Variants in BAG6 observed in about 807,000 individuals in gnomAD.
BAG6 encodes large proline-rich protein BAG6.
In BAG6, 22 loss-of-function variants were observed where a neutral mutation model predicts 121.0. The observed-to-expected ratio is 0.18, with a 90% CI of 0.13 to 0.26. BAG6 has a LOEUF of 0.26. Among genes scored for constraint, BAG6 ranks in the 10% least tolerant of loss-of-function variants. The probability of loss-of-function intolerance (pLI) is 1.00; values close to 1 mark genes in which losing one functional copy is unlikely to be tolerated. For synonymous variants in BAG6, 583 were observed against 584.6 expected (o/e 1.00, Z 0.04); for missense variants, 1,233 against 1,537.7 (o/e 0.80, Z 3.31).
At chr6:31,643,254 GAAA>G in intron 14 of BAG6, 139 bp from the exon 15 acceptor site, 1 of 612,784 alleles carries the variant, frequency 1.6e-6, no homozygotes, top group Non-Finnish European at 2.5e-6. Flanking sequence ...ATCTCTACCA[GAAA>G]AAAAAAAAGA....
At position 31,642,809 on chromosome 6, in the gene BAG6, A is replaced by C; in HGVS notation, c.2043+20T>G. 6.2e-7 allele frequency: 1 copy of C among 1,607,296 alleles called. No homozygotes were observed. Among genetic ancestry groups the C allele is most frequent in the Non-Finnish European group, 8.5e-7 (1 of 1,177,164 alleles). ...GCCGGGGGACAGGAAGATGAGGTGA[A>C]TGGCAAGCCAGCCACTCACCTGCAA... On this transcript the variant is annotated intron_variant, in intron 15 of 25. Transcript: ENST00000676615.
chr6:31,651,485 G>T (rs10947221), intron 2 of BAG6, among the ~76,000 whole-genome samples, 171 bp downstream of exon 2: 2 of 152,166 alleles, frequency 1.3e-5, no homozygotes, highest in Non-Finnish European at 2.9e-5. Context: ...GTTTCAGTGA[G>T]TCGAGATCGC....
intron 1 of BAG6, chr6:31,652,052 G>A (rs1797454178): frequency 2.9e-6 from 1 of 349,490 alleles, no homozygotes; most frequent in East Asian, 4.3e-5. Flanking sequence ...TAGGAAGGAA[G>A]CACGAGACCA....
Position 31,642,183 on chromosome 6 carries a change from C to T in BAG6, c.2264G>A (p.Ser755Asn), listed in dbSNP as rs1245813577. The T allele has an allele frequency of 6.2e-7, 1 of 1,612,868 alleles. No homozygotes were observed. Among genetic ancestry groups the T allele is most frequent in the Non-Finnish European group, 8.5e-7 (1 of 1,180,022 alleles). ...SLGARAGSSE[S>N]IAAFIQRLSG... is the part of the protein sequence containing the mutation. Reference sequence around the variant, plus strand: ...GAGGCGTTGTATGAAGGCAGCAATACTTTCACTGCTGCCAGCCCGAGCCCC... The same window carrying T: ...GAGGCGTTGTATGAAGGCAGCAATATTTTCACTGCTGCCAGCCCGAGCCCC... The change falls in exon 16 of 26, where the codon AGT becomes AAT. Residue 755 changes from serine (S) to asparagine (N), a missense_variant. Physicochemically the swap from Ser to Asn is conservative, Grantham distance 46. Coordinates refer to ENST00000676615, the MANE Select transcript of BAG6 (RefSeq NM_001387994.1).
chr6:31,647,459 C>T (rs1265987590), intron 7 of BAG6, 132 bp downstream of exon 7: 1 of 1,351,462 alleles, frequency 7.4e-7, no homozygotes, highest in South Asian at 1.3e-5. Context: ...AGAGCCCCTC[C>T]TCGCCCCTCA....
Position 31,642,361 on chromosome 6 carries a change from G to C in BAG6, c.2086C>G (p.Pro696Ala). The change falls in exon 16 of 26, where the codon CCA (proline) becomes GCA (alanine). Residue 696 changes from proline (P) to alanine (A), a missense_variant. This residue lies in a region of BAG6 where 777 missense variants were observed against 861.4 expected (regional missense o/e 0.90). Transcript: ENST00000676615. ...APPPPPPPPPPPPAPEQQTMP... is the reference protein window; with the variant it reads ...APPPPPPPPPAPPAPEQQTMP... ...GTCTGCTGCTCTGGGGCAGGTGGTG[G>C]GGGTGGAGGAGGTGGGGGTGGTGGA... 1 of 1,477,722 alleles carries C rather than the reference G, an allele frequency of 6.8e-7. No homozygotes were observed. The highest frequency in any genetic ancestry group is 9.2e-7 in the Non-Finnish European group (1 of 1,092,346). The allele number at this position is 1,477,722 out of a possible 1,614,324, so 91.5% of individuals were successfully genotyped here. A position where few individuals can be genotyped will look rare whatever the true frequency, so the allele number is the denominator to read the frequency against.
chr6:31,647,706 G>A lies in BAG6; in HGVS notation c.673C>T (p.Arg225Trp), dbSNP rs370523727. The A allele has an allele frequency of 2.8e-5, 45 of 1,603,066 alleles. No homozygotes were observed. The highest frequency in any genetic ancestry group is 3.4e-5 in the Non-Finnish European group (40 of 1,176,282). ...ACTTCTTCTGCCTCCATGGGCTCCC[G>A]GGGAGGTGCTTCACTTTCAACTGGT... Reference protein sequence around the residue: ...SEPVESEAPPREPMEAEEVEE... With the variant: ...SEPVESEAPPWEPMEAEEVEE... Residue 225 changes from arginine (R) to tryptophan (W), a missense_variant, in exon 7 of 26, where the codon CGG becomes TGG. Transcript: ENST00000676615.
chr6:31,640,086 G>T lies in BAG6; in HGVS notation c.3246+113C>A. 9.3e-7 allele frequency: 1 copy of T among 1,072,008 alleles called. No individual in the cohort carries two copies. The highest frequency in any genetic ancestry group is 1.4e-5 in the South Asian group (1 of 69,692). 66.4% of individuals were successfully genotyped at this position (1,072,008 alleles called of 1,614,324 possible). ...CCCAGAAAAAGTTTCCTCATTAAAC[G>T]AGGGGAGGGGAGACTGAATAACAAG... On this transcript the variant is annotated intron_variant, in intron 24 of 25. Transcript: ENST00000676615. The surrounding 1 kb of genome is among the most constrained non-coding windows in gnomAD (Gnocchi z 4.2).
chr6:31,645,034 A>G lies in BAG6; in HGVS notation c.1281T>C (p.Ala427=). ...TCGGGTGGCTGGTGGCTGGCGGGGG[A>G]GCTGGACCTGGCGGGGGAGCCCCCT... is the stretch of plus-strand genomic sequence containing the variant. ...SAEGAPPPGP[A]PPPATSHPRV... Residue 427 remains alanine (A), a synonymous_variant, in exon 10 of 26, where the codon GCT becomes GCC. Coordinates refer to ENST00000676615, the MANE Select transcript of BAG6 (RefSeq NM_001387994.1). 6.2e-7 allele frequency: 1 copy of G among 1,611,790 alleles called. No individual in the cohort carries two copies. The highest frequency in any genetic ancestry group is 8.5e-7 in the Non-Finnish European group (1 of 1,179,530).
chr6:31,643,401 C>T (rs1240377161), intron 14 of BAG6, among the ~76,000 whole-genome samples: 1 of 150,114 alleles, frequency 6.7e-6, no homozygotes, highest in South Asian at 2.1e-4. Flanking sequence ...GTCTGGGTGA[C>T]AGAGCAAGAC....
chr6:31,649,112 G>C (rs562038939), intron 4 of BAG6, 87 bp downstream of exon 4: 15 of 1,558,830 alleles, frequency 9.6e-6, no homozygotes, highest in Non-Finnish European at 1.3e-5. Context: ...CCAATCTAAA[G>C]ATGGAAGCAT....
chr6:31,642,163 G>A lies in BAG6; in HGVS notation c.2284C>T (p.Arg762Cys). The change falls in exon 16 of 26, where the codon CGC becomes TGC. Residue 762 changes from arginine to cysteine, a missense_variant. Transcript: ENST00000676615. The part of the protein sequence containing the change: ...SSESIAAFIQ[R>C]LSGSSNIFEP... ...AAGATGTTGCTGGATCCACTGAGGC[G>A]TTGTATGAAGGCAGCAATACTTTCA... 6.2e-7 allele frequency: 1 copy of A among 1,612,906 alleles called. No individual in the cohort carries two copies. Among genetic ancestry groups the A allele is most frequent in the Non-Finnish European group, 8.5e-7 (1 of 1,179,992 alleles).
rs140100295 is a variant in BAG6, at chr6:31,646,441, A to G, written c.871T>C (p.Tyr291His). The change falls in exon 8 of 26, where the codon TAC becomes CAC. Residue 291 changes from tyrosine (Y) to histidine (H), a missense_variant. Physicochemically the swap from Tyr to His is moderately conservative, Grantham distance 83. Transcript: ENST00000676615. ...ESRLQPFLQR[Y>H]YEVLGAAATT... is the part of the protein sequence containing the mutation. ...GCAGCAGCACCCAGAACCTCGTAGT[A>G]GCGCTGCAAGAAGGGCTGGAGGCGA... 27 of 1,612,888 alleles carry G rather than the reference A, an allele frequency of 1.7e-5. No homozygotes were observed. Among genetic ancestry groups the G allele is most frequent in the Non-Finnish European group, 2.2e-5 (26 of 1,180,032 alleles).
At chr6:31,650,435 G>A (rs1795114903) in intron 2 of BAG6, among the ~76,000 whole-genome samples, 1 of 152,112 alleles carries the variant, frequency 6.6e-6, no homozygotes, top group Non-Finnish European at 1.5e-5. Context: ...GCCGAGGCAG[G>A]TGGATCACCT....
At chr6:31,642,011 C>G (rs1783329934) in intron 16 of BAG6, 66 bp from the exon 17 acceptor site, 9 of 1,598,010 alleles carry the variant, frequency 5.6e-6, no homozygotes, top group Non-Finnish European at 6.8e-6. Context: ...ACAACCAGAT[C>G]ATCAACCTCA....
At chr6:31,645,806 TG>T (rs1788493880) in intron 8 of BAG6, among the ~76,000 whole-genome samples, 1 of 152,238 alleles carries the variant, frequency 6.6e-6, no homozygotes, top group Admixed American at 6.5e-5. Flanking sequence ...AACACTACTA[TG>T]AATCAGTAAG....
In BAG6 at chr6:31,640,248, G is replaced by C; in HGVS notation, c.3197C>G (p.Pro1066Arg). 2 of 1,614,206 alleles carry C rather than the reference G, an allele frequency of 1.2e-6. No individual in the cohort carries two copies. Among genetic ancestry groups the C allele is most frequent in the Non-Finnish European group, 1.7e-6 (2 of 1,180,042 alleles). ...IQSQRKVKPQPPLSDAYLSGM... is the reference protein window; with the variant it reads ...IQSQRKVKPQRPLSDAYLSGM... ...ACTGAGGTAGGCATCACTCAGAGGG[G>C]GCTGCGGTTTCACCTTCCGCTGGCT... is the stretch of plus-strand genomic sequence containing the variant. The change falls in exon 24 of 26, where the codon CCC (proline) becomes CGC (arginine). Residue 1066 changes from proline (P) to arginine (R), a missense_variant. By Grantham distance (103) the Pro-to-Arg change is moderately radical (BLOSUM62 -2). This residue lies in a region of BAG6 where 288 missense variants were observed against 483.1 expected (regional missense o/e 0.60). Transcript: ENST00000676615. This position sits in a 1 kb window ranked among gnomAD's most constrained non-coding sequence, Gnocchi z 4.2.
chr6:31,650,429 A>G (rs1172965081), intron 2 of BAG6, among the ~76,000 whole-genome samples: 3 of 152,306 alleles, frequency 2.0e-5, no homozygotes, highest in South Asian at 4.1e-4. Flanking sequence ...TGGGAGGCCG[A>G]GGCAGGTGGA....
intron 8 of BAG6, among the ~76,000 whole-genome samples, chr6:31,645,875 G>C (rs1415771267): frequency 6.6e-6 from 1 of 152,192 alleles, no homozygotes; most frequent in Non-Finnish European, 1.5e-5. Context: ...GGGGCACAAG[G>C]GGTACGATAC....
Sources: gnomAD v4.1 joint callset for allele counts (sites outside exome capture counted in the v4.1 genomes callset) on GRCh38, gnomAD v4.1.1 for gene constraint, gnomAD v4.1.1 regional missense constraint, Gnocchi (gnomAD v3.1) non-coding constraint, MANE v1.5 for transcripts, NCBI Gene and HGNC (gene_info 2026-07-23, HGNC 2026-07-21) for gene names.